SCUBE1: variants seen among roughly 807,000 people sequenced by gnomAD.
The protein encoded by SCUBE1 is signal peptide, CUB domain and EGF like domain containing 1.
SCUBE1 carries 59 observed loss-of-function variants against 124.4 expected under a neutral mutation model. The ratio of observed to expected loss-of-function variants is 0.47; its 90% CI spans 0.38 to 0.59. The LOEUF is 0.59. SCUBE1 is among the 20% of genes least tolerant of loss of function. The probability of loss-of-function intolerance (pLI) is 0.00; values close to 1 mark genes in which losing one functional copy is unlikely to be tolerated. For missense variants in SCUBE1, 1,150 were observed against 1,371.2 expected (o/e 0.84, Z 2.55); for synonymous variants, 545 against 550.9 (o/e 0.99, Z 0.15).
At chr22:43,329,413 C>T (rs1163706603) in intron 2 of SCUBE1, among the ~76,000 whole-genome samples, 2 of 152,256 alleles carry the variant, frequency 1.3e-5, no homozygotes, top group Non-Finnish European at 2.9e-5. Flanking sequence ...ATCTCCTGCC[C>T]CTGCTGAACT....
intron 6 of SCUBE1, among the ~76,000 whole-genome samples, chr22:43,241,816 C>T (rs1444807262): frequency 2.0e-5 from 3 of 152,252 alleles, no homozygotes; most frequent in Non-Finnish European, 2.9e-5. Flanking sequence ...AGAAATGTGC[C>T]CATGTCAGGC....
intron 3 of SCUBE1, among the ~76,000 whole-genome samples, chr22:43,315,183 C>T (rs1427439536): frequency 6.6e-6 from 1 of 152,062 alleles, no homozygotes; most frequent in Non-Finnish European, 1.5e-5. Context: ...ATATCCAGCA[C>T]CTGCACAGAA....
rs888235832 is a variant in SCUBE1, at chr22:43,218,475, G to C, written c.1688-17C>G. 1.2e-6 allele frequency: 2 copies of C among 1,605,240 alleles called. No homozygotes were observed. Among genetic ancestry groups the C allele is most frequent in the Non-Finnish European group, 1.7e-6 (2 of 1,178,680 alleles). On this transcript the variant is annotated splice_polypyrimidine_tract_variant and intron_variant, in intron 14 of 21. Transcript: ENST00000360835. The stretch of plus-strand genomic sequence containing the variant: ...CGCATGTGTCTGCAGGGGCAGGAGA[G>C]ACAGAACATGAATCGCTGGCAACCT...
intron 9 of SCUBE1, among the ~76,000 whole-genome samples, chr22:43,228,854 G>A (rs752760020): frequency 2.0e-5 from 3 of 152,238 alleles, no homozygotes; most frequent in Non-Finnish European, 4.4e-5. Context: ...GCAGAGACCT[G>A]CTACCCACCT....
At position 43,234,094 on chromosome 22, in the gene SCUBE1, T is replaced by G. The variant is rs886282503; in HGVS notation, c.845-2219A>C. Among the ~76,000 whole-genome samples the G allele has an allele frequency of 6.6e-6, 1 of 151,704 alleles. No homozygotes were observed. Among genetic ancestry groups the G allele is most frequent in the East Asian group, 1.9e-4 (1 of 5,160 alleles). On this transcript the variant is annotated intron_variant, in intron 7 of 21. Coordinates refer to ENST00000360835, the MANE Select transcript of SCUBE1 (RefSeq NM_173050.5). This position sits in a 1 kb window ranked among gnomAD's most constrained non-coding sequence, Gnocchi z 4.4. Reference sequence around the variant, plus strand: ...CCCTGCAGCCACCAAGAAAGAGATATGAAGCCCAGCTGTGCTGGTCCAGGG... The same window carrying G: ...CCCTGCAGCCACCAAGAAAGAGATAGGAAGCCCAGCTGTGCTGGTCCAGGG...
At chr22:43,307,108 G>A (rs969833292) in intron 3 of SCUBE1, among the ~76,000 whole-genome samples, 3 of 152,250 alleles carry the variant, frequency 2.0e-5, no homozygotes, top group Non-Finnish European at 4.4e-5. Flanking sequence ...TGGATAAAGA[G>A]CTTGGCCAAT....
intron 17 of SCUBE1, among the ~76,000 whole-genome samples, chr22:43,212,212 C>G (rs1921591683): frequency 6.6e-6 from 1 of 152,172 alleles, no homozygotes; most frequent in African/African-American, 2.4e-5. Flanking sequence ...TGCTGTTCCC[C>G]CTGGAGCTCA....
intron 5 of SCUBE1, among the ~76,000 whole-genome samples, chr22:43,259,351 C>T (rs575916728): frequency 6.6e-6 from 1 of 152,334 alleles, no homozygotes; most frequent in Admixed American, 6.5e-5. Flanking sequence ...TCAAGCTACA[C>T]TCTAATTTAT....
intron 16 of SCUBE1, chr22:43,213,144 C>T (rs1469198463): frequency 1.3e-5 from 2 of 156,094 alleles, no homozygotes; most frequent in Non-Finnish European, 2.8e-5. Context: ...AATGTTCTTG[C>T]GTTCCAGCAG....
chr22:43,214,050 C>CCCCCCCCCCCCCCCCCCCCCCCCCCT, intron 16 of SCUBE1, 40 bp downstream of exon 16: 1 of 271,286 alleles, frequency 3.7e-6, no homozygotes, highest in Non-Finnish European at 7.4e-6. Flanking sequence ...AGCCCCCGCC[C>CCCCCCCCCCCCCCCCCCCCCCCCCCT]ACCCCCCACC....
intron 20 of SCUBE1, 35 bp downstream of exon 20, chr22:43,208,037 C>T (rs781214020): frequency 2.9e-5 from 46 of 1,611,988 alleles, no homozygotes; most frequent in African/African-American, 1.5e-4. Context: ...CCGCCTGAGC[C>T]GTGCACAGTG....
At chr22:43,270,002 C>G (rs993616295) in intron 4 of SCUBE1, 6 of 152,214 alleles carry the variant, frequency 3.9e-5, no homozygotes, top group Non-Finnish European at 7.3e-5. Flanking sequence ...CCCTGACAAG[C>G]TCAGGACGGG....
chr22:43,282,018 C>T (rs5759252), intron 4 of SCUBE1: 73,531 of 152,566 alleles, frequency 0.48, 20,200 homozygotes, highest in East Asian at 0.97. Context: ...ACCCTGGCCA[C>T]GGTGCAAGGA....
At position 43,203,736 on chromosome 22, in the gene SCUBE1, A is replaced by G; in HGVS notation, c.*261T>C. ...TCCTGCTACCTGCAGTCGGTCTGCC[A>G]GGGCTCAGGAGAGGGCGCTCTTGGT... On this transcript the variant is annotated 3_prime_UTR_variant, in exon 22 of 22. Coordinates refer to ENST00000360835, the MANE Select transcript of SCUBE1 (RefSeq NM_173050.5). The G allele has an allele frequency of 2.4e-6, 1 of 424,910 alleles. No individual in the cohort carries two copies. 26.3% of individuals were successfully genotyped at this position (424,910 alleles called of 1,614,324 possible).
At chr22:43,265,087 C>T (rs1601840180) in intron 4 of SCUBE1, among the ~76,000 whole-genome samples, 1 of 152,218 alleles carries the variant, frequency 6.6e-6, no homozygotes, top group Non-Finnish European at 1.5e-5. Context: ...GCCAAAGAAT[C>T]ACAGTTTACA....
intron 16 of SCUBE1, 96 bp from the exon 17 acceptor site, chr22:43,212,688 C>T (rs1921622574): frequency 7.3e-7 from 1 of 1,370,492 alleles, no homozygotes. Context: ...CTTGCCCGGC[C>T]CTGGAAAAGG....
Position 43,258,003 on chromosome 22 carries a change from T to C in SCUBE1, c.727+216A>G, listed in dbSNP as rs1173627472. On this transcript the variant is annotated intron_variant, in intron 6 of 21. Transcript: ENST00000360835. This position sits in a 1 kb window ranked among gnomAD's most constrained non-coding sequence, Gnocchi z 5.0. ...GGGAACACAAAGCAGAAAAGCCTGG[T>C]CTTGGGGGGCTGCAGGCCCCAGAGA... 6.6e-6 allele frequency among the ~76,000 whole-genome samples: 1 copy of C among 152,142 alleles called. No homozygotes were observed. Among genetic ancestry groups the C allele is most frequent in the Non-Finnish European group, 1.5e-5 (1 of 68,002 alleles).
intron 4 of SCUBE1, among the ~76,000 whole-genome samples, chr22:43,266,557 TAG>T (rs369353470): frequency 3.6e-4 from 55 of 152,218 alleles, no homozygotes; most frequent in African/African-American, 1.2e-3. Flanking sequence ...GTCTATCTTA[TAG>T]AGACAGAAAA....
At chr22:43,281,919 G>A (rs1297779148) in intron 4 of SCUBE1, 1 of 152,574 alleles carries the variant, frequency 6.6e-6, no homozygotes, top group African/African-American at 2.4e-5. Flanking sequence ...AGGCTCCTGG[G>A]CCCATTGTCT....
Sources: gnomAD v4.1 joint callset for allele counts (sites outside exome capture counted in the v4.1 genomes callset) on GRCh38, gnomAD v4.1.1 for gene constraint, Gnocchi (gnomAD v3.1) non-coding constraint, MANE v1.5 for transcripts, NCBI Gene and HGNC (gene_info 2026-07-23, HGNC 2026-07-21) for gene names.